PCNX3: variants seen among roughly 807,000 people sequenced by gnomAD.
PCNX3 encodes pecanex-like protein 3.
PCNX3 carries 58 observed loss-of-function variants against 207.2 expected under a neutral mutation model. That is an observed-to-expected ratio of 0.28 (90% CI 0.23 to 0.35). The LOEUF is 0.35. Ranked by LOEUF, PCNX3 falls within the 10% of genes least tolerant of loss-of-function variation. The pLI is 1.00. For synonymous variants in PCNX3, 1,337 were observed against 1,183.5 expected, an observed-to-expected ratio of 1.13 and a Z score of -2.66; for missense variants, 2,410 against 2,774.4, an observed-to-expected ratio of 0.87 and a Z score of 2.95.
chr11:65,631,914 C>T (rs930188538), intron 27 of PCNX3, among the ~76,000 whole-genome samples: 3 of 152,152 alleles, frequency 2.0e-5, no homozygotes, highest in Non-Finnish European at 4.4e-5. Flanking sequence ...GAGGAGCTGT[C>T]ATTTGTCATT....
chr11:65,636,646 A>G lies in PCNX3; in HGVS notation c.5849A>G (p.Glu1950Gly). ...GRKGLGGSDG[E>G]PASGSPKGGT... ...AAGGGGCTGGGAGGATCTGACGGGG[A>G]GCCAGCCTCAGGGAGCCCCAAAGGA... Residue 1950 changes from glutamate (E) to glycine (G), a missense_variant, in exon 34 of 35, where the codon GAG becomes GGG. Transcript: ENST00000355703. 6.3e-7 allele frequency: 1 copy of G among 1,584,426 alleles called. No homozygotes were observed. Among genetic ancestry groups the G allele is most frequent in the Non-Finnish European group, 8.6e-7 (1 of 1,168,080 alleles).
chr11:65,625,575 G>T lies in PCNX3; in HGVS notation c.3135+65G>T. 1 of 1,579,366 alleles carries T rather than the reference G, an allele frequency of 6.3e-7. No individual in the cohort carries two copies. The highest frequency in any genetic ancestry group is 8.6e-7 in the Non-Finnish European group (1 of 1,161,918). On this transcript the variant is annotated intron_variant, in intron 18 of 34. Coordinates refer to ENST00000355703, the MANE Select transcript of PCNX3 (RefSeq NM_032223.4). The surrounding 1 kb of genome is among the most constrained non-coding windows in gnomAD (Gnocchi z 5.6). The stretch of plus-strand genomic sequence containing the variant: ...ACAGGTCCTGGGGTTCCTGGGAGGG[G>T]CATGTCCAGCTTGGGCTGCTGGGCA...
Position 65,635,400 on chromosome 11 carries a change from C to T in PCNX3, c.5136C>T (p.Tyr1712=). Residue 1712 remains tyrosine (Y), a synonymous_variant, in exon 31 of 35, where the codon TAC becomes TAT. Coordinates refer to ENST00000355703, the MANE Select transcript of PCNX3 (RefSeq NM_032223.4). The surrounding 1 kb of genome is among the most constrained non-coding windows in gnomAD (Gnocchi z 9.9). ...TCCTGGATGATGCCTCCGACGAGTA[C>T]AAGATCATCATGCTCAACCGGCGCC... ...RHVLDDASDE[Y]KIIMLNRRHL... is the part of the protein sequence containing the mutation. 1.2e-6 allele frequency: 2 copies of T among 1,612,320 alleles called. No individual in the cohort carries two copies. Among genetic ancestry groups the T allele is most frequent in the Non-Finnish European group, 1.7e-6 (2 of 1,179,740 alleles).
chr11:65,620,124 C>T (rs998268552), intron 8 of PCNX3, among the ~76,000 whole-genome samples, 192 bp downstream of exon 8: 6 of 152,220 alleles, frequency 3.9e-5, no homozygotes, highest in African/African-American at 7.2e-5. Flanking sequence ...AACAGAGGCT[C>T]AGCTTACAGT....
chr11:65,630,193 C>A (rs1016785310), intron 26 of PCNX3, among the ~76,000 whole-genome samples, 158 bp from the exon 27 acceptor site: 2 of 152,220 alleles, frequency 1.3e-5, no homozygotes, highest in Admixed American at 1.3e-4. Context: ...GAAAGGCAGG[C>A]GCTCTTTCGT....
At position 65,620,963 on chromosome 11, in the gene PCNX3, G is replaced by A. The variant is rs139652943; in HGVS notation, c.2232G>A (p.Pro744=). The A allele has an allele frequency of 5.6e-5, 86 of 1,538,636 alleles. No homozygotes were observed. The highest frequency in any genetic ancestry group is 7.3e-5 in the East Asian group (3 of 40,874). ...MQVRRVPLEI[P]EEQTLMEEAP... is the part of the protein sequence containing the mutation. ...TGCGCCGGGTGCCCCTGGAGATCCC[G>A]GAGGTGAGGAGCAGCCGGGGAAGGG... The change falls in exon 10 of 35, where the codon CCG becomes CCA. Residue 744 remains proline, a synonymous_variant. Coordinates refer to ENST00000355703, the MANE Select transcript of PCNX3 (RefSeq NM_032223.4).
At chr11:65,636,332 C>G in intron 33 of PCNX3, 25 bp downstream of exon 33, 1 of 1,609,048 alleles carries the variant, frequency 6.2e-7, no homozygotes, top group Non-Finnish European at 8.5e-7. Flanking sequence ...CTGGGCTGAA[C>G]CCGTGGGTGA....
Position 65,636,673 on chromosome 11 carries a change from G to T in PCNX3, c.5876G>T (p.Gly1959Val), listed in dbSNP as rs558432433. 6.9e-6 allele frequency: 11 copies of T among 1,584,224 alleles called. No homozygotes were observed. The South Asian group carries it at 9.2e-5, about 13-fold the overall frequency. Residue 1959 changes from glycine (G) to valine (V), a missense_variant, in exon 34 of 35, where the codon GGT becomes GTT. This residue lies in a region of PCNX3 where 278 missense variants were observed against 245.1 expected (regional missense o/e 1.13). Coordinates refer to ENST00000355703, the MANE Select transcript of PCNX3 (RefSeq NM_032223.4). ...CCAGCCTCAGGGAGCCCCAAAGGAGGTACCCCCAAATCTCAGGTAAGGCAC... is the reference window on the plus strand; with the variant it reads ...CCAGCCTCAGGGAGCCCCAAAGGAGTTACCCCCAAATCTCAGGTAAGGCAC... The part of the protein sequence containing the change: ...GEPASGSPKG[G>V]TPKSQAPLDL...
At chr11:65,626,545 T>C in intron 20 of PCNX3, 1 of 426,446 alleles carries the variant, frequency 2.3e-6, no homozygotes, top group Non-Finnish European at 4.4e-6. Flanking sequence ...CCTCTGTGGC[T>C]ACAACCAGCC....
chr11:65,618,043 G>C lies in PCNX3; in HGVS notation c.681G>C (p.Trp227Cys). The change falls in exon 6 of 35, where the codon TGG becomes TGC. Residue 227 changes from tryptophan to cysteine, a missense_variant. Around this residue, in one of 8 missense-constraint regions of PCNX3, gnomAD observed 1,104 missense variants for 970.3 expected, o/e 1.14. Coordinates refer to ENST00000355703, the MANE Select transcript of PCNX3 (RefSeq NM_032223.4). The stretch of plus-strand genomic sequence containing the variant: ...CCCTGGCTGGAGATGGAGCGCCCTG[G>C]AGTGGGAGCAGCATGGCTGACACTC... The part of the protein sequence containing the change: ...PSPLAGDGAP[W>C]SGSSMADTPM... 6.2e-7 allele frequency: 1 copy of C among 1,607,000 alleles called. No individual in the cohort carries two copies. The highest frequency in any genetic ancestry group is 1.7e-4 in the Middle Eastern group (1 of 6,046).
Position 65,617,731 on chromosome 11 carries a change from G to C in PCNX3, c.577+25G>C, listed in dbSNP as rs571429142. ...AGTGCGTGGGCCTTATGGGGCCGAG[G>C]CTTGTGGGCTAGACCAGCTGTTTCG... On this transcript the variant is annotated intron_variant, in intron 5 of 34. Transcript: ENST00000355703. 9.0e-6 allele frequency: 14 copies of C among 1,550,166 alleles called. No individual in the cohort carries two copies. In the South Asian group the frequency reaches 1.5e-4, roughly 17 times the overall value.
intron 6 of PCNX3, 89 bp from the exon 7 acceptor site, chr11:65,619,448 G>T (rs1854952302): frequency 9.8e-6 from 15 of 1,535,898 alleles, no homozygotes; most frequent in Non-Finnish European, 1.3e-5. Context: ...TAGGCCTTTA[G>T]CTCCCTGGCG....
chr11:65,621,647 G>T (rs1046969499), intron 10 of PCNX3, among the ~76,000 whole-genome samples: 4 of 152,350 alleles, frequency 2.6e-5, no homozygotes, highest in Admixed American at 2.0e-4. Flanking sequence ...CCTCCAGAGG[G>T]AAGGGTTGCG....
At position 65,618,422 on chromosome 11, in the gene PCNX3, C is replaced by G. The variant is rs1033050921; in HGVS notation, c.1060C>G (p.Pro354Ala). The change falls in exon 6 of 35, where the codon CCC (proline) becomes GCC (alanine). Residue 354 changes from proline (P) to alanine (A), a missense_variant. By Grantham distance (27) the Pro-to-Ala change is conservative. Around this residue, in one of 8 missense-constraint regions of PCNX3, gnomAD observed 1,104 missense variants for 970.3 expected, o/e 1.14. Transcript: ENST00000355703. ...GCCTGCCTCACCAGACGCCGGGGTC[C>G]CCTCAGATGACACGCTGCGTTCCTT... ...ELPASPDAGV[P>A]SDDTLRSFDT... 4 of 1,612,284 alleles carry G rather than the reference C, an allele frequency of 2.5e-6. No homozygotes were observed. In the African/African-American group the frequency reaches 5.3e-5, roughly 22 times the overall value.
At chr11:65,620,793 C>T (rs1192718434) in intron 9 of PCNX3, 38 bp from the exon 10 acceptor site, 28 of 1,582,758 alleles carry the variant, frequency 1.8e-5, no homozygotes, top group South Asian at 3.5e-5. Flanking sequence ...CCCCAGGGCT[C>T]GCCCGTGGGG....
intron 4 of PCNX3, 48 bp from the exon 5 acceptor site, chr11:65,617,563 G>T: frequency 6.2e-7 from 1 of 1,613,696 alleles, no homozygotes; most frequent in Non-Finnish European, 8.5e-7. Context: ...AGGGGCTGGC[G>T]TGCTGTGCCA....
intron 27 of PCNX3, among the ~76,000 whole-genome samples, chr11:65,632,653 G>A (rs1855663497): frequency 6.9e-6 from 1 of 144,804 alleles, no homozygotes; most frequent in Non-Finnish European, 1.5e-5. Context: ...GACCGTGAGT[G>A]TTGTGTCAGA....
In PCNX3 at chr11:65,618,941, G is replaced by A; in HGVS notation, c.1579G>A (p.Ala527Thr). The change falls in exon 6 of 35, where the codon GCC becomes ACC. Residue 527 changes from alanine (A) to threonine (T), a missense_variant. Around this residue, in one of 8 missense-constraint regions of PCNX3, gnomAD observed 1,104 missense variants for 970.3 expected, o/e 1.14. Transcript: ENST00000355703. ...GGCTGGCTGCAAGGCAGAGCTGGAG[G>A]CCCAGGTTGGGGTGGAGCAGGCTGC... is the stretch of plus-strand genomic sequence containing the variant. ...PLAGCKAELEAQVGVEQAASE... is the reference protein window; with the variant it reads ...PLAGCKAELETQVGVEQAASE... 6.2e-7 allele frequency: 1 copy of A among 1,606,068 alleles called. No homozygotes were observed. Among genetic ancestry groups the A allele is most frequent in the South Asian group, 1.1e-5 (1 of 90,176 alleles).
intron 15 of PCNX3, 105 bp from the exon 16 acceptor site, chr11:65,624,820 C>G: frequency 8.3e-7 from 1 of 1,206,424 alleles, no homozygotes; most frequent in African/African-American, 1.5e-5. Context: ...GCTGGGGGTG[C>G]CTTTCCAGGG....
Sources: allele counts gnomAD v4.1 joint callset (sites outside exome capture counted in the v4.1 genomes callset), GRCh38; gene constraint gnomAD v4.1.1; regional missense constraint gnomAD v4.1.1; non-coding constraint Gnocchi (gnomAD v3.1); transcripts MANE v1.5; gene names NCBI Gene and HGNC (gene_info 2026-07-23, HGNC 2026-07-21).